The following CMSS1 variants were observed in gnomAD, a reference collection of about 807,000 sequenced individuals.
CMSS1 encodes protein CMSS1.
Under a neutral mutation model 43.5 loss-of-function variants are expected in CMSS1, and 33 were observed. The ratio of observed to expected loss-of-function variants is 0.76; its 90% CI spans 0.57 to 1.01. The LOEUF is 1.01. Ranked by LOEUF, CMSS1 falls within the 50% of genes least tolerant of loss-of-function variation. The pLI, the probability that CMSS1 is intolerant of heterozygous loss-of-function variation, is 0.00. For missense variants in CMSS1, 313 were observed against 326.4 expected (o/e 0.96, Z 0.32); for synonymous variants, 115 against 117.2 (o/e 0.98, Z 0.12).
chr3:100,085,340 A>G (rs986960285), intron 1 of CMSS1, among the ~76,000 whole-genome samples: 2 of 152,192 alleles, frequency 1.3e-5, no homozygotes, highest in Admixed American at 6.5e-5. Context: ...CCTTCTCCTT[A>G]AGGAATTCAT....
At chr3:99,849,719 C>G in intron 1 of CMSS1, 1 of 1,613,774 alleles carries the variant, frequency 6.2e-7, no homozygotes, top group Non-Finnish European at 8.5e-7. Flanking sequence ...TATTCATCTT[C>G]TGTTTTCATG....
intron 1 of CMSS1, among the ~76,000 whole-genome samples, chr3:100,130,525 A>G (rs2107499067): frequency 6.6e-6 from 1 of 152,326 alleles, no homozygotes; most frequent in African/African-American, 2.4e-5. Context: ...GAAAGGACAC[A>G]TTGCCCTAAG....
chr3:100,052,950 T>A (rs1311117519), intron 1 of CMSS1, among the ~76,000 whole-genome samples: 1 of 152,216 alleles, frequency 6.6e-6, no homozygotes, highest in African/African-American at 2.4e-5. Context: ...CTAAATAAGA[T>A]GAAATTTAGT....
chr3:100,142,485 A>G (rs772011215), intron 1 of CMSS1, among the ~76,000 whole-genome samples: 49 of 152,326 alleles, frequency 3.2e-4, no homozygotes, highest in Non-Finnish European at 5.7e-4. Flanking sequence ...ACATCATTTT[A>G]TATCAGGAAC....
chr3:99,989,432 C>T (rs1709447076), intron 1 of CMSS1, among the ~76,000 whole-genome samples: 1 of 152,098 alleles, frequency 6.6e-6, no homozygotes, highest in South Asian at 2.1e-4. Flanking sequence ...TACTGTGTCC[C>T]CCACATTTTC....
chr3:99,873,361 C>T (rs1705336186), intron 1 of CMSS1, among the ~76,000 whole-genome samples: 1 of 152,190 alleles, frequency 6.6e-6, no homozygotes, highest in African/African-American at 2.4e-5. Flanking sequence ...TCAAAGATGA[C>T]AGGCTCTGTG....
At chr3:100,087,857 GTC>G (rs775886042) in intron 1 of CMSS1, among the ~76,000 whole-genome samples, 78 of 107,004 alleles carry the variant, frequency 7.3e-4, no homozygotes, top group Non-Finnish European at 1.2e-3. Flanking sequence ...TTTTTTTTGA[GTC>G]TCACTCTGTC....
At position 100,099,021 on chromosome 3, in the gene CMSS1, A is replaced by C. The variant is rs1304611377; in HGVS notation, c.65-47952A>C. ...AGGTTTTTGCTTTCCTGATTGCAGAACTCTTCTTTATATATTAAAAGGGAG... is the reference window on the plus strand; with the variant it reads ...AGGTTTTTGCTTTCCTGATTGCAGACCTCTTCTTTATATATTAAAAGGGAG... On this transcript the variant is annotated intron_variant, in intron 1 of 9. Coordinates refer to ENST00000421999, the MANE Select transcript of CMSS1 (RefSeq NM_032359.4). Among the ~76,000 whole-genome samples the C allele has an allele frequency of 2.0e-5, 3 of 151,968 alleles. No individual in the cohort carries two copies. In the East Asian group the frequency reaches 5.8e-4, roughly 29 times the overall value.
chr3:100,169,124 A>T (rs1442390241), intron 6 of CMSS1, among the ~76,000 whole-genome samples: 1 of 152,130 alleles, frequency 6.6e-6, no homozygotes, highest in Non-Finnish European at 1.5e-5. Context: ...GGAACAACTG[A>T]GTAGCCATCT....
chr3:99,991,890 ATG>A (rs1195158383), intron 1 of CMSS1, among the ~76,000 whole-genome samples: 1 of 148,950 alleles, frequency 6.7e-6, no homozygotes, highest in Non-Finnish European at 1.5e-5. Context: ...ATATGTATAT[ATG>A]TGTGTATATA....
chr3:100,098,907 G>A (rs2066258201), intron 1 of CMSS1, among the ~76,000 whole-genome samples: 1 of 152,200 alleles, frequency 6.6e-6, no homozygotes, highest in South Asian at 2.1e-4. Context: ...CCTGGAACTA[G>A]ATACTTCTCA....
intron 1 of CMSS1, among the ~76,000 whole-genome samples, chr3:99,887,848 ACTC>A (rs1263746324): frequency 6.6e-6 from 1 of 151,098 alleles, no homozygotes; most frequent in Non-Finnish European, 1.5e-5. Flanking sequence ...CATACTCCCT[ACTC>A]CCACCTCAGC....
intron 1 of CMSS1, among the ~76,000 whole-genome samples, chr3:99,896,247 G>C (rs938070969): frequency 2.6e-5 from 4 of 152,198 alleles, no homozygotes; most frequent in African/African-American, 9.7e-5. Flanking sequence ...GGCAACATAT[G>C]TTTGAAACAG....
intron 1 of CMSS1, among the ~76,000 whole-genome samples, chr3:99,895,863 T>C (rs1706233763): frequency 6.6e-6 from 1 of 152,218 alleles, no homozygotes; most frequent in African/African-American, 2.4e-5. Flanking sequence ...CTAGCAGTGA[T>C]TGCTAGAAAA....
intron 1 of CMSS1, chr3:99,929,852 A>C: frequency 8.7e-6 from 14 of 1,609,514 alleles, no homozygotes; most frequent in Non-Finnish European, 1.2e-5. Flanking sequence ...ATTGTGGTAC[A>C]TACCTCATTC....
At chr3:100,168,888 CACACATATATATAT>C (rs1180544808) in intron 6 of CMSS1, among the ~76,000 whole-genome samples, 2 of 151,104 alleles carry the variant, frequency 1.3e-5, no homozygotes, top group African/African-American at 2.4e-5. Context: ...TATACACACA[CACACATATATATAT>C]ACACATATAT....
chr3:99,849,226 G>A (rs1943530879), intron 1 of CMSS1: 2 of 1,614,142 alleles, frequency 1.2e-6, no homozygotes, highest in Non-Finnish European at 8.5e-7. Flanking sequence ...ACGTTCCAGA[G>A]GAATGAGGCT....
At chr3:99,973,987 A>C (rs1708896904) in intron 1 of CMSS1, among the ~76,000 whole-genome samples, 1 of 152,238 alleles carries the variant, frequency 6.6e-6, no homozygotes, top group South Asian at 2.1e-4. Context: ...TAGCTGGCTG[A>C]ATTGCTGTGT....
chr3:99,908,221 C>G (rs1453864654), intron 1 of CMSS1, among the ~76,000 whole-genome samples: 1 of 152,136 alleles, frequency 6.6e-6, no homozygotes, highest in Non-Finnish European at 1.5e-5. Flanking sequence ...TGTCCATTAC[C>G]TAATTTGACC....
Sources: gnomAD v4.1 joint callset for allele counts (sites outside exome capture counted in the v4.1 genomes callset) on GRCh38, gnomAD v4.1.1 for gene constraint, MANE v1.5 for transcripts, NCBI Gene and HGNC (gene_info 2026-07-23, HGNC 2026-07-21) for gene names.